The following HERC1 variants were observed in gnomAD, a reference collection of about 807,000 sequenced individuals.
HERC1 encodes the protein probable E3 ubiquitin-protein ligase HERC1.
HERC1 carries 160 observed loss-of-function variants against 554.3 expected under a neutral mutation model. That is an observed-to-expected ratio of 0.29 (90% CI 0.25 to 0.33). HERC1 has a LOEUF of 0.33. HERC1 is among the 10% of genes least tolerant of loss of function. HERC1 has a pLI of 1.00. For missense variants in HERC1, 4,919 were observed against 5,918.5 expected (o/e 0.83, Z 5.54); for synonymous variants, 2,175 against 2,131.7 (o/e 1.02, Z -0.56).
In HERC1 at chr15:63,753,016, A is replaced by T. The variant is rs752219737; in HGVS notation, c.1844T>A (p.Phe615Tyr). The change falls in exon 8 of 78, where the codon TTC becomes TAC. Residue 615 changes from phenylalanine to tyrosine, a missense_variant. Coordinates refer to ENST00000443617, the MANE Select transcript of HERC1 (RefSeq NM_003922.4). ...GCTCCCAGCACAAACTTTGCGAATG[A>T]ACATTCCTTGTAAAGCTTCAATAAC... The part of the protein sequence containing the change: ...PKVIEALQGM[F>Y]IRKVCAGSQS... The T allele has an allele frequency of 6.2e-7, 1 of 1,613,694 alleles. No homozygotes were observed. Among genetic ancestry groups the T allele is most frequent in the South Asian group, 1.1e-5 (1 of 91,056 alleles).
rs762551110 is a variant in HERC1 at position 63,749,954 on chromosome 15, C to T, written c.1903-163G>A. On this transcript the variant is annotated intron_variant, in intron 8 of 77. Transcript: ENST00000443617. This position sits in a 1 kb window ranked among gnomAD's most constrained non-coding sequence, Gnocchi z 4.1. ...TTTAAAGATTGTTACAGCGATTTAT[C>T]ATGCTGCCTTTAGGCATTCACTGTA... 6.6e-6 allele frequency among the ~76,000 whole-genome samples: 1 copy of T among 152,208 alleles called. No individual in the cohort carries two copies. The highest frequency in any genetic ancestry group is 1.5e-5 in the Non-Finnish European group (1 of 68,032).
At chr15:63,764,244 T>A in intron 2 of HERC1, 53 bp from the exon 3 acceptor site, 1 of 1,157,166 alleles carries the variant, frequency 8.6e-7, no homozygotes, top group Non-Finnish European at 1.3e-6. Context: ...GACATATGCA[T>A]TAAAATTAGT....
In HERC1 at chr15:63,790,690, T is replaced by G. The variant is rs74635207; in HGVS notation, c.-26-15041A>C. Reference sequence around the variant, plus strand: ...GTGGGTATCAAACAGGACATCAACTTTGTGTGTTATGTTTCCCTTTCTTTA... The same window carrying G: ...GTGGGTATCAAACAGGACATCAACTGTGTGTGTTATGTTTCCCTTTCTTTA... On this transcript the variant is annotated intron_variant, in intron 1 of 77. Coordinates refer to ENST00000443617, the MANE Select transcript of HERC1 (RefSeq NM_003922.4). Among the ~76,000 whole-genome samples the G allele has an allele frequency of 4.8e-3, 727 of 152,248 alleles. 3 individuals carry two copies. The highest frequency in any genetic ancestry group is 0.016 in the African/African-American group (673 of 41,548).
intron 1 of HERC1, among the ~76,000 whole-genome samples, chr15:63,820,199 T>C (rs1435203339): frequency 6.6e-6 from 1 of 152,158 alleles, no homozygotes; most frequent in South Asian, 2.1e-4. Flanking sequence ...CTAGTGTTAT[T>C]CCTTTATATG....
At chr15:63,637,401 A>G in intron 64 of HERC1, 104 bp downstream of exon 64, 1 of 507,134 alleles carries the variant, frequency 2.0e-6, no homozygotes, top group Non-Finnish European at 3.3e-6. Context: ...TGAAAACCTG[A>G]TATGATTTTA....
chr15:63,624,088 C>A, intron 72 of HERC1, 70 bp downstream of exon 72: 1 of 1,430,830 alleles, frequency 7.0e-7, no homozygotes. Flanking sequence ...CCAAGACTCA[C>A]AGAAATTAGT....
chr15:63,810,876 T>G (rs150867346), intron 1 of HERC1, among the ~76,000 whole-genome samples: 12 of 152,196 alleles, frequency 7.9e-5, no homozygotes, highest in Non-Finnish European at 1.2e-4. Context: ...TGAGGTGATT[T>G]AAGGAGTACA....
chr15:63,721,655 A>G (rs1337335524), intron 19 of HERC1, among the ~76,000 whole-genome samples: 3 of 152,238 alleles, frequency 2.0e-5, no homozygotes, highest in East Asian at 3.8e-4. Context: ...GTAAAAATGT[A>G]TTTATTTTTG....
At chr15:63,832,620 C>A (rs1475728867) in intron 1 of HERC1, among the ~76,000 whole-genome samples, 1 of 152,116 alleles carries the variant, frequency 6.6e-6, no homozygotes, top group African/African-American at 2.4e-5. Context: ...TAGACCCAAA[C>A]AGACAATGTT....
chr15:63,770,126 C>T (rs2075905187), intron 2 of HERC1, among the ~76,000 whole-genome samples: 1 of 152,140 alleles, frequency 6.6e-6, no homozygotes, highest in Non-Finnish European at 1.5e-5. Flanking sequence ...AATCTCATCT[C>T]ATTCCATTCC....
At chr15:63,716,249 T>G in intron 22 of HERC1, 53 bp downstream of exon 22, 2 of 1,502,174 alleles carry the variant, frequency 1.3e-6, no homozygotes, top group African/African-American at 2.8e-5. Flanking sequence ...TTAGTTCCCC[T>G]ATCAAAAAGC....
chr15:63,648,693 A>T (rs1486803580), intron 54 of HERC1, among the ~76,000 whole-genome samples: 1 of 152,234 alleles, frequency 6.6e-6, no homozygotes, highest in Non-Finnish European at 1.5e-5. Context: ...GTAACACTGA[A>T]AGACTACAAA....
intron 1 of HERC1, among the ~76,000 whole-genome samples, chr15:63,826,814 A>AAAAAAATATATAT (rs1567168622): frequency 2.2e-4 from 5 of 22,254 alleles, no homozygotes; most frequent in African/African-American, 6.4e-4. Flanking sequence ...AAAAAAAAAA[A>AAAAAAATATATAT]ATATATATAT....
rs1471019008 is a variant in HERC1 at position 63,612,702 on chromosome 15, C to T, written c.14095-146G>A. On this transcript the variant is annotated intron_variant, in intron 76 of 77. Coordinates refer to ENST00000443617, the MANE Select transcript of HERC1 (RefSeq NM_003922.4). This position sits in a 1 kb window ranked among gnomAD's most constrained non-coding sequence, Gnocchi z 5.0. Reference sequence around the variant, plus strand: ...TTCTCAGACCGCCAGGCACGAGAGTCAGTCAAAAAGGCCCACCCTCCCTGC... The same window carrying T: ...TTCTCAGACCGCCAGGCACGAGAGTTAGTCAAAAAGGCCCACCCTCCCTGC... 3 of 742,248 alleles carry T rather than the reference C, an allele frequency of 4.0e-6. No homozygotes were observed. Among genetic ancestry groups the T allele is most frequent in the East Asian group, 2.7e-5 (1 of 36,564 alleles). The allele number at this position is 742,248 out of a possible 1,614,324, so 46.0% of individuals were successfully genotyped here. A position where few individuals can be genotyped will look rare whatever the true frequency, so the allele number is the denominator to read the frequency against.
intron 74 of HERC1, among the ~76,000 whole-genome samples, chr15:63,619,346 C>T (rs1352014446): frequency 1.3e-5 from 2 of 152,052 alleles, no homozygotes; most frequent in Non-Finnish European, 2.9e-5. Flanking sequence ...GGGATGAAGC[C>T]CACTTGATCA....
intron 14 of HERC1, among the ~76,000 whole-genome samples, chr15:63,731,659 C>T (rs1365907551): frequency 2.6e-5 from 4 of 152,016 alleles, no homozygotes; most frequent in Non-Finnish European, 4.4e-5. Context: ...TCAATGTGGG[C>T]GGGATAGAGC....
At position 63,672,583 on chromosome 15, in the gene HERC1, T is replaced by C. The variant is rs1372899027; in HGVS notation, c.7958A>G (p.Asp2653Gly). 6.2e-7 allele frequency: 1 copy of C among 1,611,858 alleles called. No homozygotes were observed. The change falls in exon 39 of 78, where the codon GAC becomes GGC. Residue 2653 changes from aspartate to glycine, a missense_variant. Asp to Gly is a moderately conservative substitution (Grantham distance 94, BLOSUM62 -1). Coordinates refer to ENST00000443617, the MANE Select transcript of HERC1 (RefSeq NM_003922.4). ...GACTGGAGTGGTGGCAGTTGTGGTGTCCTCCAGAGAGCTGCTCATAAAGGA... is the reference window on the plus strand; with the variant it reads ...GACTGGAGTGGTGGCAGTTGTGGTGCCCTCCAGAGAGCTGCTCATAAAGGA... ...TTSFMSSSLE[D>G]TTTATTPVTD...
At position 63,718,655 on chromosome 15, in the gene HERC1, A is replaced by C. The variant is rs1596059023; in HGVS notation, c.3897T>G (p.Cys1299Trp). Residue 1299 changes from cysteine (C) to tryptophan (W), a missense_variant, in exon 21 of 78, where the codon TGT (cysteine) becomes TGG (tryptophan). By Grantham distance (215) the Cys-to-Trp change is radical. Around this residue, in one of 11 missense-constraint regions of HERC1, gnomAD observed 1,121 missense variants for 1,244.0 expected, o/e 0.90. Coordinates refer to ENST00000443617, the MANE Select transcript of HERC1 (RefSeq NM_003922.4). The surrounding 1 kb of genome is among the most constrained non-coding windows in gnomAD (Gnocchi z 4.2). ...GTAAACGACTTCGAACTTTGTATAC[A>C]CAACGGTACACTTCTGATAAGTGTT... ...PGKHLSEVYR[C>W]VYKVRSRLLA... is the part of the protein sequence containing the mutation. The C allele has an allele frequency of 1.3e-6, 2 of 1,599,690 alleles. No individual in the cohort carries two copies. The highest frequency in any genetic ancestry group is 1.6e-4 in the Middle Eastern group (1 of 6,066).
Position 63,694,911 on chromosome 15 carries a change from G to T in HERC1, c.5122-17C>A, listed in dbSNP as rs745775662. The T allele has an allele frequency of 6.3e-7, 1 of 1,599,666 alleles. No individual in the cohort carries two copies. The highest frequency in any genetic ancestry group is 8.5e-7 in the Non-Finnish European group (1 of 1,173,854). Reference sequence around the variant, plus strand: ...GATCCCATCCTGAATTACACATAAAGAATTACTTTTTCTATTAGCAACAAT... The same window carrying T: ...GATCCCATCCTGAATTACACATAAATAATTACTTTTTCTATTAGCAACAAT... On this transcript the variant is annotated splice_polypyrimidine_tract_variant and intron_variant, in intron 27 of 77. Coordinates refer to ENST00000443617, the MANE Select transcript of HERC1 (RefSeq NM_003922.4). This position sits in a 1 kb window ranked among gnomAD's most constrained non-coding sequence, Gnocchi z 4.3.
Sources: gnomAD v4.1 joint callset for allele counts (sites outside exome capture counted in the v4.1 genomes callset) on GRCh38, gnomAD v4.1.1 for gene constraint, gnomAD v4.1.1 regional missense constraint, Gnocchi (gnomAD v3.1) non-coding constraint, MANE v1.5 for transcripts, NCBI Gene and HGNC (gene_info 2026-07-23, HGNC 2026-07-21) for gene names.